PPP1R9A: variants seen among roughly 807,000 people sequenced by gnomAD.
PPP1R9A encodes the protein protein phosphatase 1 regulatory subunit 9A.
Under a neutral mutation model 141.9 loss-of-function variants are expected in PPP1R9A, and 59 were observed. That is an observed-to-expected ratio of 0.42 (90% CI 0.34 to 0.52). The LOEUF (loss-of-function observed/expected upper bound fraction) is 0.52, where lower values mean the gene tolerates loss of function less well. PPP1R9A is among the 20% of genes least tolerant of loss of function. The pLI is 0.10. For synonymous variants in PPP1R9A, 500 were observed against 569.7 expected (o/e 0.88, Z 1.74); for missense variants, 1,444 against 1,611.9 (o/e 0.90, Z 1.78).
intron 7 of PPP1R9A, among the ~76,000 whole-genome samples, chr7:95,222,505 G>C (rs1346130991): frequency 6.6e-6 from 1 of 151,938 alleles, no homozygotes; most frequent in Non-Finnish European, 1.5e-5. Flanking sequence ...TTACCCCTTT[G>C]TGTGGGGCTA....
chr7:95,070,726 A>T (rs1813701054), intron 2 of PPP1R9A, among the ~76,000 whole-genome samples: 1 of 151,138 alleles, frequency 6.6e-6, no homozygotes. Context: ...ACTTTTTGTG[A>T]TTATTTGGAG....
At chr7:95,209,191 T>G (rs1381426956) in intron 7 of PPP1R9A, among the ~76,000 whole-genome samples, 1 of 152,208 alleles carries the variant, frequency 6.6e-6, no homozygotes, top group Admixed American at 6.5e-5. Context: ...TTAATATAAT[T>G]TAAAATCTGC....
At chr7:95,087,089 AG>A (rs1314064196) in intron 2 of PPP1R9A, among the ~76,000 whole-genome samples, 1 of 150,894 alleles carries the variant, frequency 6.6e-6, no homozygotes, top group Admixed American at 6.6e-5. Flanking sequence ...CAAAAGCATA[AG>A]GCTGACCCAT....
chr7:94,912,482 T>A (rs1791576360), intron 2 of PPP1R9A, among the ~76,000 whole-genome samples: 1 of 152,190 alleles, frequency 6.6e-6, no homozygotes, highest in Non-Finnish European at 1.5e-5. Flanking sequence ...TTAGACCACA[T>A]TCTAGGGGCT....
intron 2 of PPP1R9A, among the ~76,000 whole-genome samples, chr7:95,089,977 C>A (rs1033729938): frequency 4.6e-5 from 7 of 151,870 alleles, no homozygotes; most frequent in Non-Finnish European, 7.3e-5. Context: ...GTTTTCCAGA[C>A]CCTCAGCCAA....
intron 7 of PPP1R9A, among the ~76,000 whole-genome samples, chr7:95,225,166 A>G (rs1794968399): frequency 6.6e-6 from 1 of 152,112 alleles, no homozygotes; most frequent in Non-Finnish European, 1.5e-5. Flanking sequence ...ACAATATAGA[A>G]CTATATGACA....
At chr7:95,036,888 A>G (rs970158879) in intron 2 of PPP1R9A, 1 of 152,080 alleles carries the variant, frequency 6.6e-6, no homozygotes, top group Non-Finnish European at 1.5e-5. Context: ...CATCAATTTG[A>G]TTTCTCACCA....
chr7:95,286,163 C>T (rs1361894822), intron 17 of PPP1R9A, 43 bp from the exon 18 acceptor site: 19 of 1,606,344 alleles, frequency 1.2e-5, no homozygotes, highest in Non-Finnish European at 1.6e-5. Flanking sequence ...CTCTTGCTCA[C>T]TCACTGCACT....
rs140662997 is a variant in PPP1R9A at position 95,263,163 on chromosome 7, G to A, written c.2666-5387G>A. On this transcript the variant is annotated intron_variant, in intron 12 of 19. Coordinates refer to ENST00000433360, the MANE Select transcript of PPP1R9A (RefSeq NM_001166160.2). The stretch of plus-strand genomic sequence containing the variant: ...GGAGATACTGAGTCCTAGGACACCA[G>A]ATCTAATTAAATTAAAATAGAATTA... Among the ~76,000 whole-genome samples the A allele has an allele frequency of 7.8e-3, 1,183 of 152,176 alleles. 14 individuals are homozygous for A. Among genetic ancestry groups the A allele is most frequent in the African/African-American group, 0.027 (1,124 of 41,504 alleles).
intron 14 of PPP1R9A, among the ~76,000 whole-genome samples, chr7:95,270,656 T>C (rs2153049470): frequency 6.6e-6 from 1 of 152,328 alleles, no homozygotes; most frequent in South Asian, 2.1e-4. Context: ...AACAACCTAA[T>C]ACTAAAGTTT....
intron 2 of PPP1R9A, among the ~76,000 whole-genome samples, chr7:95,031,823 G>A (rs1318407633): frequency 1.3e-5 from 2 of 151,818 alleles, no homozygotes; most frequent in Non-Finnish European, 2.9e-5. Flanking sequence ...GTTTTTGAAG[G>A]ACTAATTCAT....
intron 3 of PPP1R9A, among the ~76,000 whole-genome samples, chr7:95,112,505 T>C (rs1820744646): frequency 6.6e-6 from 1 of 152,200 alleles, no homozygotes; most frequent in Non-Finnish European, 1.5e-5. Flanking sequence ...TGTGGAGATT[T>C]CTCAAATAAT....
At position 95,225,186 on chromosome 7, in the gene PPP1R9A, T is replaced by C. The variant is rs561896767; in HGVS notation, c.1957-775T>C. ...ATAGAACTATATGACATTAGAAAAA[T>C]TGTGGGGTATTAGAAAGCATATAAC... is the stretch of plus-strand genomic sequence containing the variant. On this transcript the variant is annotated intron_variant, in intron 7 of 19. Transcript: ENST00000433360. Among the ~76,000 whole-genome samples the C allele has an allele frequency of 2.5e-3, 372 of 151,824 alleles. 2 individuals are homozygous for C. The highest frequency in any genetic ancestry group is 8.6e-3 in the African/African-American group (356 of 41,390).
intron 2 of PPP1R9A, among the ~76,000 whole-genome samples, chr7:95,085,778 C>A (rs1816545709): frequency 6.6e-6 from 1 of 151,952 alleles, no homozygotes; most frequent in Non-Finnish European, 1.5e-5. Context: ...TGTATTTTCA[C>A]TTGGTATATG....
At chr7:95,207,496 G>A (rs992009497) in intron 7 of PPP1R9A, among the ~76,000 whole-genome samples, 1 of 151,848 alleles carries the variant, frequency 6.6e-6, no homozygotes, top group Non-Finnish European at 1.5e-5. Flanking sequence ...ATGCAAAAAG[G>A]TCCTAAACAA....
chr7:95,218,236 A>T (rs923792575), intron 7 of PPP1R9A, among the ~76,000 whole-genome samples: 1 of 152,202 alleles, frequency 6.6e-6, no homozygotes, highest in Non-Finnish European at 1.5e-5. Context: ...CCCAGTAGTC[A>T]TTCAGGAGCA....
chr7:95,247,580 G>T, intron 9 of PPP1R9A, 54 bp downstream of exon 9: 1 of 1,387,552 alleles, frequency 7.2e-7, no homozygotes, highest in South Asian at 1.2e-5. Flanking sequence ...CAGATACTAT[G>T]AATAAATCCA....
At chr7:95,121,058 A>G (rs1167233609) in intron 4 of PPP1R9A, among the ~76,000 whole-genome samples, 1 of 152,176 alleles carries the variant, frequency 6.6e-6, no homozygotes, top group Admixed American at 6.5e-5. Flanking sequence ...CTATCAGTCT[A>G]TACCTGTCTT....
At chr7:94,950,080 T>G (rs1796309904) in intron 2 of PPP1R9A, among the ~76,000 whole-genome samples, 1 of 152,182 alleles carries the variant, frequency 6.6e-6, no homozygotes, top group Non-Finnish European at 1.5e-5. Context: ...ACAAGAAGAA[T>G]AAGTTAGGAT....
Sources: allele counts gnomAD v4.1 joint callset (sites outside exome capture counted in the v4.1 genomes callset), GRCh38; gene constraint gnomAD v4.1.1; transcripts MANE v1.5; gene names NCBI Gene and HGNC (gene_info 2026-07-23, HGNC 2026-07-21).